The following BMPR1B variants were observed in gnomAD, a reference collection of about 807,000 sequenced individuals.
The protein encoded by BMPR1B is bone morphogenetic protein receptor type-1B.
A neutral mutation model predicts 59.1 loss-of-function variants in BMPR1B; 12 were observed. The ratio of observed to expected loss-of-function variants is 0.20; its 90% confidence interval spans 0.13 to 0.33. BMPR1B has a LOEUF of 0.33. Among genes scored for constraint, BMPR1B ranks in the 10% least tolerant of loss-of-function variants. BMPR1B has a pLI of 1.00. For synonymous variants in BMPR1B, 237 were observed against 207.3 expected, an observed-to-expected ratio of 1.14 and a Z score of -1.23; for missense variants, 550 against 610.9, an observed-to-expected ratio of 0.90 and a Z score of 1.05.
chr4:95,046,064 T>C (rs1726037742), intron 3 of BMPR1B, among the ~76,000 whole-genome samples: 3 of 152,184 alleles, frequency 2.0e-5, no homozygotes, highest in South Asian at 2.1e-4. Flanking sequence ...ATTTAGTTTT[T>C]CAGGTATAAT....
chr4:95,151,837 C>T (rs995894587), intron 11 of BMPR1B, among the ~76,000 whole-genome samples: 1 of 151,888 alleles, frequency 6.6e-6, no homozygotes, highest in Non-Finnish European at 1.5e-5. Flanking sequence ...GCAGCAGCCT[C>T]TAATGTAATT....
chr4:94,930,554 A>G (rs765303025), intron 2 of BMPR1B, among the ~76,000 whole-genome samples: 5 of 152,154 alleles, frequency 3.3e-5, no homozygotes, highest in Non-Finnish European at 5.9e-5. Context: ...AGGATTTAGT[A>G]TAGGGCTAGT....
At chr4:94,855,916 A>C (rs1725736602) in intron 1 of BMPR1B, among the ~76,000 whole-genome samples, 2 of 149,838 alleles carry the variant, frequency 1.3e-5, no homozygotes, top group East Asian at 3.8e-4. Context: ...TGTGCCCCAT[A>C]AATGTGTACA....
intron 1 of BMPR1B, among the ~76,000 whole-genome samples, chr4:94,770,857 G>A (rs558896328): frequency 8.4e-6 from 1 of 119,254 alleles, no homozygotes; most frequent in East Asian, 2.7e-4. Flanking sequence ...CTCTACACAA[G>A]TTTTAACTTA....
At chr4:95,085,070 C>A (rs1255706796) in intron 3 of BMPR1B, among the ~76,000 whole-genome samples, 1 of 152,168 alleles carries the variant, frequency 6.6e-6, no homozygotes, top group Non-Finnish European at 1.5e-5. Flanking sequence ...TCAGGTTTTC[C>A]TCTCAGAGTT....
intron 2 of BMPR1B, among the ~76,000 whole-genome samples, chr4:94,950,598 G>T (rs13140192): frequency 0.25 from 37,423 of 152,016 alleles, 4,647 homozygotes; most frequent in South Asian, 0.36. Flanking sequence ...TCAGATGGTT[G>T]TAGATGTGTG....
chr4:95,104,237 C>T (rs1731033437), intron 3 of BMPR1B, 171 bp from the exon 4 acceptor site: 2 of 716,188 alleles, frequency 2.8e-6, no homozygotes, highest in Non-Finnish European at 4.6e-6. Flanking sequence ...GAGGTGTATA[C>T]TAGGTAAAAG....
chr4:95,115,396 C>T (rs1038064807), intron 5 of BMPR1B, among the ~76,000 whole-genome samples: 3 of 152,124 alleles, frequency 2.0e-5, no homozygotes, highest in African/African-American at 7.2e-5. Flanking sequence ...TCCTCAAAAT[C>T]CAATTTAGCT....
At chr4:95,011,937 T>C (rs1296009384) in intron 3 of BMPR1B, among the ~76,000 whole-genome samples, 1 of 151,876 alleles carries the variant, frequency 6.6e-6, no homozygotes, top group Non-Finnish European at 1.5e-5. Context: ...GAGAATCTCT[T>C]GAACCCAGGA....
intron 3 of BMPR1B, among the ~76,000 whole-genome samples, chr4:95,004,370 T>C (rs1480555044): frequency 6.6e-6 from 1 of 152,210 alleles, no homozygotes; most frequent in African/African-American, 2.4e-5. Flanking sequence ...TTTATAGCCC[T>C]GCCCTAGAAC....
chr4:95,038,397 C>G (rs1238939329), intron 3 of BMPR1B, among the ~76,000 whole-genome samples: 1 of 152,130 alleles, frequency 6.6e-6, no homozygotes, highest in East Asian at 1.9e-4. Flanking sequence ...TGAGTTTCGT[C>G]TAAAGCTTCT....
chr4:94,819,187 T>C (rs1724116880), intron 1 of BMPR1B, among the ~76,000 whole-genome samples: 1 of 151,970 alleles, frequency 6.6e-6, no homozygotes, highest in African/African-American at 2.4e-5. Context: ...GGTCAGAGCA[T>C]ACAGATTTAT....
At chr4:94,971,004 G>T (rs1172770647) in intron 2 of BMPR1B, among the ~76,000 whole-genome samples, 2 of 152,126 alleles carry the variant, frequency 1.3e-5, no homozygotes, top group African/African-American at 4.8e-5. Flanking sequence ...TTTGGGATTT[G>T]TCCTAATGAC....
intron 1 of BMPR1B, among the ~76,000 whole-genome samples, chr4:94,831,469 C>G (rs1265922161): frequency 1.3e-5 from 2 of 152,048 alleles, no homozygotes; most frequent in African/African-American, 4.8e-5. Context: ...ATAAAGTCTG[C>G]ATTAGTGTAC....
intron 8 of BMPR1B, among the ~76,000 whole-genome samples, chr4:95,129,282 G>C (rs1380883678): frequency 6.6e-6 from 1 of 152,142 alleles, no homozygotes; most frequent in Non-Finnish European, 1.5e-5. Flanking sequence ...AAAGGAGTCA[G>C]AGTTTAAACT....
intron 3 of BMPR1B, among the ~76,000 whole-genome samples, chr4:95,087,033 C>G (rs1208865049): frequency 8.2e-6 from 1 of 122,550 alleles, no homozygotes; most frequent in African/African-American, 3.2e-5. Context: ...GAGACAGAGT[C>G]TCACTCTGTC....
chr4:94,866,248 C>T (rs1042540653), intron 1 of BMPR1B, among the ~76,000 whole-genome samples: 2 of 152,180 alleles, frequency 1.3e-5, no homozygotes, highest in African/African-American at 4.8e-5. Context: ...TAACATTTCT[C>T]TTCTCTGACC....
chr4:95,044,594 T>C (rs938026678), intron 3 of BMPR1B, among the ~76,000 whole-genome samples: 4 of 152,180 alleles, frequency 2.6e-5, no homozygotes, highest in African/African-American at 9.7e-5. Context: ...TTCCCACTCA[T>C]GGAGGACCTT....
intron 6 of BMPR1B, among the ~76,000 whole-genome samples, chr4:95,118,023 T>C (rs1331448126): frequency 6.6e-6 from 1 of 152,132 alleles, no homozygotes; most frequent in African/African-American, 2.4e-5. Flanking sequence ...GCTGGTGGAC[T>C]CTACTGAGCA....
Sources: allele counts gnomAD v4.1 joint callset (sites outside exome capture counted in the v4.1 genomes callset), GRCh38; gene constraint gnomAD v4.1.1; transcripts MANE v1.5; gene names NCBI Gene and HGNC (gene_info 2026-07-23, HGNC 2026-07-21).